C10orf67: variants seen among roughly 807,000 people sequenced by gnomAD.
C10orf67 encodes the protein uncharacterized protein C10orf67, mitochondrial.
Under a neutral mutation model 35.6 loss-of-function variants are expected in C10orf67, and 60 were observed. That is an observed-to-expected ratio of 1.68 (90% CI 1.37 to 2.09). The LOEUF (loss-of-function observed/expected upper bound fraction) is 2.09. Among genes scored for constraint, C10orf67 ranks in the 30% most tolerant of loss-of-function variants. The pLI is 0.00. For missense variants in C10orf67, 474 were observed against 330.2 expected (o/e 1.44, Z -3.38); for synonymous variants, 167 against 115.8 (o/e 1.44, Z -2.84).
chr10:23,333,793 T>A (rs1198923910), intron 1 of C10orf67, among the ~76,000 whole-genome samples: 2 of 152,108 alleles, frequency 1.3e-5, no homozygotes, highest in African/African-American at 4.8e-5. Flanking sequence ...ACTCTTCTCA[T>A]GAAAGTTTTT....
Position 23,211,008 on chromosome 10 carries a change from T to A in C10orf67, c.1571-6753A>T, listed in dbSNP as rs1841291812. Among the ~76,000 whole-genome samples, 6 of 152,340 alleles carry A rather than the reference T, an allele frequency of 3.9e-5. No individual in the cohort carries two copies. In the South Asian group the frequency reaches 1.2e-3, roughly 32 times the overall value. On this transcript the variant is annotated intron_variant, in intron 15 of 15. Transcript: ENST00000636213. Reference sequence around the variant, plus strand: ...TTATTTAATGTAATGCCAATGAAGTTATTAAATTGTTACCTTGTATTTGCT... The same window carrying A: ...TTATTTAATGTAATGCCAATGAAGTAATTAAATTGTTACCTTGTATTTGCT...
At chr10:23,311,531 G>C (rs1844494636) in intron 4 of C10orf67, among the ~76,000 whole-genome samples, 1 of 152,108 alleles carries the variant, frequency 6.6e-6, no homozygotes, top group Non-Finnish European at 1.5e-5. Flanking sequence ...GACCAACATG[G>C]AGAAACCCCG....
chr10:23,254,759 C>T (rs528806678), intron 10 of C10orf67, among the ~76,000 whole-genome samples: 7 of 152,074 alleles, frequency 4.6e-5, no homozygotes, highest in African/African-American at 1.4e-4. Flanking sequence ...TATTAACTGC[C>T]GTAAGATTAA....
intron 8 of C10orf67, among the ~76,000 whole-genome samples, chr10:23,276,015 G>A (rs1843176473): frequency 7.9e-5 from 12 of 152,136 alleles, no homozygotes; most frequent in Admixed American, 7.9e-4. Flanking sequence ...AATCCCTGGA[G>A]TAATAGAAGA....
At chr10:23,242,965 C>T (rs1176182033) in intron 12 of C10orf67, among the ~76,000 whole-genome samples, 1 of 151,714 alleles carries the variant, frequency 6.6e-6, no homozygotes, top group African/African-American at 2.4e-5. Context: ...GGTTAGAAAC[C>T]CAATTATATG....
At position 23,282,049 on chromosome 10, in the gene C10orf67, T is replaced by C. The variant is rs948253945; in HGVS notation, c.939A>G (p.Glu313=). The change falls in exon 8 of 16, where the codon GAA becomes GAG. Residue 313 remains glutamate, a synonymous_variant. Coordinates refer to ENST00000636213, the MANE Select transcript of C10orf67 (RefSeq NM_001371909.1). ...KLMDSRDRLR[E]ELHYEKSLVQ... ...CTAATGATTTTTCATAATGAAGCTC[T>C]TCTCTTAATCTGTCTCTACTATCCA... The C allele has an allele frequency of 4.8e-6, 3 of 631,006 alleles. No homozygotes were observed. Among genetic ancestry groups the C allele is most frequent in the African/African-American group, 3.8e-5 (2 of 52,798 alleles). 39.1% of individuals were successfully genotyped at this position (631,006 alleles called of 1,614,324 possible). A position where few individuals can be genotyped will look rare whatever the true frequency, so the allele number is the denominator to read the frequency against.
chr10:23,243,166 T>C (rs1320823965), intron 12 of C10orf67, among the ~76,000 whole-genome samples: 2 of 152,192 alleles, frequency 1.3e-5, no homozygotes, highest in African/African-American at 4.8e-5. Context: ...AGTATCTAAA[T>C]TGTGAGTACC....
At chr10:23,300,261 T>C (rs1844027353) in intron 5 of C10orf67, among the ~76,000 whole-genome samples, 1 of 152,182 alleles carries the variant, frequency 6.6e-6, no homozygotes, top group Admixed American at 6.5e-5. Context: ...TTTTTTAAAG[T>C]GTCCTTATAG....
chr10:23,223,848 T>C (rs1588586817), intron 13 of C10orf67, 30 bp from the exon 14 acceptor site: 1 of 712,158 alleles, frequency 1.4e-6, no homozygotes, highest in African/African-American at 1.8e-5. Context: ...TGTACTGTGT[T>C]ATCAGGAGGA....
intron 5 of C10orf67, among the ~76,000 whole-genome samples, chr10:23,296,163 C>A (rs1177212869): frequency 6.6e-6 from 1 of 150,788 alleles, no homozygotes; most frequent in East Asian, 1.9e-4. Flanking sequence ...ATGCATGTGT[C>A]GATATTTCTA....
At chr10:23,257,494 C>T (rs1234735207) in intron 10 of C10orf67, among the ~76,000 whole-genome samples, 4 of 152,078 alleles carry the variant, frequency 2.6e-5, no homozygotes, top group Non-Finnish European at 4.4e-5. Context: ...AGTCACATAC[C>T]CACCACAAAA....
chr10:23,320,816 C>T lies in C10orf67; in HGVS notation c.472-1G>A, dbSNP rs530405026. 3.4e-5 allele frequency: 54 copies of T among 1,569,920 alleles called. No homozygotes were observed. Among genetic ancestry groups the T allele is most frequent in the Non-Finnish European group, 4.3e-5 (50 of 1,154,908 alleles). On this transcript the variant is annotated splice_acceptor_variant, in intron 3 of 15. Transcript: ENST00000636213. LOFTEE classifies it high-confidence loss of function. The stretch of plus-strand genomic sequence containing the variant: ...AGGATTTTCTCATCTTATCCTCATT[C>T]TGCAAACAAAAATAAATGCAATAAG...
chr10:23,291,476 C>T (rs1843717351), intron 5 of C10orf67, among the ~76,000 whole-genome samples, 197 bp from the exon 6 acceptor site: 2 of 152,200 alleles, frequency 1.3e-5, no homozygotes, highest in African/African-American at 4.8e-5. Flanking sequence ...ACAAAGACCT[C>T]AACACATGGG....
At position 23,204,232 on chromosome 10, in the gene C10orf67, C is replaced by T; in HGVS notation, c.1594G>A (p.Glu532Lys). The T allele has an allele frequency of 1.5e-6, 1 of 653,254 alleles. No homozygotes were observed. The allele number at this position is 653,254 out of a possible 1,614,324, so 40.5% of individuals were successfully genotyped here. A position where few individuals can be genotyped will look rare whatever the true frequency, so the allele number is the denominator to read the frequency against. ...PKGKLSESPKEESLEEPSMRQ... is the reference protein window; with the variant it reads ...PKGKLSESPKKESLEEPSMRQ... Reference sequence around the variant, plus strand: ...ATGGAGGGCTCCTCCAAGGACTCTTCTTTTGGGGATTCCGACAACTTCCCT... The same window carrying T: ...ATGGAGGGCTCCTCCAAGGACTCTTTTTTTGGGGATTCCGACAACTTCCCT... The change falls in exon 16 of 16, where the codon GAA becomes AAA. Residue 532 changes from glutamate to lysine, a missense_variant. Coordinates refer to ENST00000636213, the MANE Select transcript of C10orf67 (RefSeq NM_001371909.1).
intron 15 of C10orf67, among the ~76,000 whole-genome samples, chr10:23,222,619 C>G (rs76517082): frequency 0.015 from 2,275 of 152,198 alleles, 54 homozygotes; most frequent in African/African-American, 0.052. Context: ...TACATCTACA[C>G]AGCAAATCTG....
In C10orf67 at chr10:23,320,722, A is replaced by G; in HGVS notation, c.546+19T>C. On this transcript the variant is annotated intron_variant, in intron 4 of 15. Coordinates refer to ENST00000636213, the MANE Select transcript of C10orf67 (RefSeq NM_001371909.1). ...AGCTAGCCTTGCCCACAACTACGGC[A>G]CCAGAAACAGAAACTCACCTGGTAC... is the stretch of plus-strand genomic sequence containing the variant. The G allele has an allele frequency of 6.4e-7, 1 of 1,570,030 alleles. No homozygotes were observed. The highest frequency in any genetic ancestry group is 8.7e-7 in the Non-Finnish European group (1 of 1,152,916).
chr10:23,283,550 G>A (rs1028882585), intron 7 of C10orf67, among the ~76,000 whole-genome samples: 1 of 151,990 alleles, frequency 6.6e-6, no homozygotes, highest in East Asian at 1.9e-4. Context: ...GCCCTCCAAC[G>A]CACTCAGAAG....
intron 8 of C10orf67, among the ~76,000 whole-genome samples, chr10:23,279,293 T>C (rs1257653883): frequency 2.0e-5 from 3 of 152,218 alleles, no homozygotes; most frequent in Non-Finnish European, 2.9e-5. Context: ...TTGTGTCATG[T>C]TTGTCTTGAT....
chr10:23,225,253 C>T (rs1359683209), intron 13 of C10orf67, among the ~76,000 whole-genome samples: 2 of 152,124 alleles, frequency 1.3e-5, no homozygotes, highest in African/African-American at 4.8e-5. Context: ...CCCAGAATTT[C>T]ATATCCAGCC....
Sources: allele counts gnomAD v4.1 joint callset (sites outside exome capture counted in the v4.1 genomes callset), GRCh38; gene constraint gnomAD v4.1.1; transcripts MANE v1.5; gene names NCBI Gene and HGNC (gene_info 2026-07-23, HGNC 2026-07-21).